Variants in DMRT1 observed in about 807,000 individuals in gnomAD.
DMRT1 encodes doublesex- and mab-3-related transcription factor 1.
DMRT1 carries 7 observed loss-of-function variants against 32.3 expected under a neutral mutation model. The ratio of observed to expected loss-of-function variants is 0.22; its 90% CI spans 0.12 to 0.41. The LOEUF (loss-of-function observed/expected upper bound fraction) is 0.41, where lower values mean the gene tolerates loss of function less well. Among genes scored for constraint, DMRT1 ranks in the 10% least tolerant of loss-of-function variants. The pLI, the probability that DMRT1 is intolerant of heterozygous loss-of-function variation, is 1.00. For synonymous variants in DMRT1, 278 were observed against 206.1 expected, an observed-to-expected ratio of 1.35 and a Z score of -2.99; for missense variants, 625 against 500.5, an observed-to-expected ratio of 1.25 and a Z score of -2.37.
intron 2 of DMRT1, among the ~76,000 whole-genome samples, chr9:848,473 C>G (rs1381346233): frequency 6.6e-6 from 1 of 151,716 alleles, no homozygotes; most frequent in African/African-American, 2.4e-5. Flanking sequence ...TAACAGAGGT[C>G]AAGATACTCT....
chr9:923,582 G>C (rs1162175537), intron 4 of DMRT1, among the ~76,000 whole-genome samples: 1 of 152,134 alleles, frequency 6.6e-6, no homozygotes, highest in Non-Finnish European at 1.5e-5. Context: ...TTTCCTGCGA[G>C]GGCTGTGTGG....
chr9:909,936 A>AC (rs1360021667), intron 3 of DMRT1, among the ~76,000 whole-genome samples: 1 of 151,662 alleles, frequency 6.6e-6, no homozygotes, highest in African/African-American at 2.4e-5. Flanking sequence ...CTGTTCTCCA[A>AC]CCCCCGGGCT....
At chr9:954,589 T>C (rs1288138897) in intron 4 of DMRT1, among the ~76,000 whole-genome samples, 1 of 151,696 alleles carries the variant, frequency 6.6e-6, no homozygotes, top group East Asian at 1.9e-4. Flanking sequence ...GGAGGAGAAG[T>C]TGGTAGGTTC....
intron 3 of DMRT1, among the ~76,000 whole-genome samples, chr9:896,464 C>T (rs1198024265): frequency 6.6e-6 from 1 of 151,708 alleles, no homozygotes; most frequent in Non-Finnish European, 1.5e-5. Context: ...CCCTTTATTT[C>T]CTCCACCTCG....
intron 1 of DMRT1, among the ~76,000 whole-genome samples, chr9:844,142 T>G (rs74657355): frequency 0.01 from 1,579 of 152,186 alleles, 24 homozygotes; most frequent in African/African-American, 0.036. Context: ...TAACCTTTAT[T>G]AGTAGAGGAG....
At chr9:959,747 T>G (rs1819711533) in intron 4 of DMRT1, among the ~76,000 whole-genome samples, 1 of 152,192 alleles carries the variant, frequency 6.6e-6, no homozygotes, top group African/African-American at 2.4e-5. Context: ...AGGCTCGTCT[T>G]GAGCTCCTGA....
chr9:907,819 TA>T (rs1161418859), intron 3 of DMRT1, among the ~76,000 whole-genome samples: 2 of 102,240 alleles, frequency 2.0e-5, no homozygotes, highest in African/African-American at 7.5e-5. Context: ...TACAGTTCTC[TA>T]AAATATATAT....
chr9:913,985 C>G (rs998403735), intron 3 of DMRT1, among the ~76,000 whole-genome samples: 1 of 152,094 alleles, frequency 6.6e-6, no homozygotes, highest in African/African-American at 2.4e-5. Context: ...CCCTGGGCAC[C>G]AGCAATATCA....
intron 4 of DMRT1, among the ~76,000 whole-genome samples, chr9:964,885 C>G (rs1243252710): frequency 1.3e-5 from 2 of 152,146 alleles, no homozygotes; most frequent in Admixed American, 6.5e-5. Context: ...CTATCTGTTC[C>G]CCCACAGTGC....
chr9:873,472 AT>A (rs1816362732), intron 2 of DMRT1, among the ~76,000 whole-genome samples: 1 of 150,836 alleles, frequency 6.6e-6, no homozygotes, highest in South Asian at 2.1e-4. Flanking sequence ...CGCCCAGCTA[AT>A]TTTTTGTATT....
chr9:887,963 T>C (rs1816995172), intron 2 of DMRT1, among the ~76,000 whole-genome samples: 1 of 152,210 alleles, frequency 6.6e-6, no homozygotes, highest in Non-Finnish European at 1.5e-5. Context: ...AATCTAAATA[T>C]AAAAATACAA....
chr9:852,785 T>C lies in DMRT1; in HGVS notation c.538+5642T>C, dbSNP rs373785672. Among the ~76,000 whole-genome samples the C allele has an allele frequency of 5.3e-5, 8 of 152,298 alleles. No individual in the cohort carries two copies. The East Asian group carries it at 9.6e-4, about 18-fold the overall frequency. On this transcript the variant is annotated intron_variant, in intron 2 of 4. Transcript: ENST00000382276. ...CCCTGGGCAGCTCCAGCCTCTTCTGTGGCTCGTGGCCCAGTTTCAGTCACC... is the reference window on the plus strand; with the variant it reads ...CCCTGGGCAGCTCCAGCCTCTTCTGCGGCTCGTGGCCCAGTTTCAGTCACC...
intron 4 of DMRT1, among the ~76,000 whole-genome samples, chr9:943,022 A>G (rs1310912716): frequency 2.6e-5 from 4 of 151,818 alleles, no homozygotes; most frequent in South Asian, 4.2e-4. Context: ...TTAGTGAAGT[A>G]TACAGGATAT....
At chr9:907,853 G>T (rs201044434) in intron 3 of DMRT1, among the ~76,000 whole-genome samples, 1 of 119,028 alleles carries the variant, frequency 8.4e-6, no homozygotes, top group Non-Finnish European at 1.9e-5. Flanking sequence ...GTGTGTGTGT[G>T]TGTGTTATAT....
At chr9:935,860 T>A (rs1017298007) in intron 4 of DMRT1, among the ~76,000 whole-genome samples, 1 of 152,242 alleles carries the variant, frequency 6.6e-6, no homozygotes, top group Non-Finnish European at 1.5e-5. Context: ...GATTTGTTCA[T>A]TTTTTAATCC....
chr9:933,521 C>T (rs990922442), intron 4 of DMRT1, among the ~76,000 whole-genome samples: 2 of 152,180 alleles, frequency 1.3e-5, no homozygotes, highest in African/African-American at 2.4e-5. Context: ...GTGACCTTAT[C>T]TCTCCTGACC....
intron 3 of DMRT1, among the ~76,000 whole-genome samples, chr9:909,955 C>T (rs998113914): frequency 1.3e-5 from 2 of 152,168 alleles, no homozygotes; most frequent in Non-Finnish European, 2.9e-5. Flanking sequence ...CTCAAATAAT[C>T]CTTCCTCCTC....
At chr9:853,585 G>T (rs578042354) in intron 2 of DMRT1, among the ~76,000 whole-genome samples, 16 of 149,520 alleles carry the variant, frequency 1.1e-4, no homozygotes, top group African/African-American at 3.7e-4. Flanking sequence ...CGATTTTCCT[G>T]TCTCAGCCTC....
At chr9:852,175 G>A (rs1815171951) in intron 2 of DMRT1, among the ~76,000 whole-genome samples, 1 of 151,766 alleles carries the variant, frequency 6.6e-6, no homozygotes, top group African/African-American at 2.4e-5. Context: ...GACCTCAAGT[G>A]ATCCGCCTGC....
Sources: gnomAD v4.1 joint callset for allele counts (sites outside exome capture counted in the v4.1 genomes callset) on GRCh38, gnomAD v4.1.1 for gene constraint, MANE v1.5 for transcripts, NCBI Gene and HGNC (gene_info 2026-07-23, HGNC 2026-07-21) for gene names.